Variants in TSPEAR observed in about 807,000 individuals in gnomAD.
TSPEAR encodes thrombospondin type laminin G domain and EAR repeats, also known as thrombospondin-type laminin G domain and EAR repeat-containing protein.
A neutral mutation model predicts 71.6 loss-of-function variants in TSPEAR; 69 were observed. That is an observed-to-expected ratio of 0.96 (90% CI 0.79 to 1.18). The LOEUF is 1.18. Ranked by LOEUF, TSPEAR falls within the 50% of genes most tolerant of loss-of-function variation. The probability of loss-of-function intolerance (pLI) is 0.00; values close to 1 mark genes in which losing one functional copy is unlikely to be tolerated. For missense variants in TSPEAR, 971 were observed against 894.9 expected, an observed-to-expected ratio of 1.09 and a Z score of -1.09; for synonymous variants, 402 against 387.2, an observed-to-expected ratio of 1.04 and a Z score of -0.45.
chr21:44,630,043 G>T (rs990606815), intron 1 of TSPEAR, among the ~76,000 whole-genome samples: 1 of 152,154 alleles, frequency 6.6e-6, no homozygotes, highest in Non-Finnish European at 1.5e-5. Context: ...GGGCTTCAGG[G>T]GCCGTGGTAC....
At chr21:44,508,681 C>G (rs1030889956) in intron 10 of TSPEAR, 5 of 1,210,630 alleles carry the variant, frequency 4.1e-6, no homozygotes, top group Non-Finnish European at 5.3e-6. Context: ...CTCGTACATA[C>G]AGACCCACCC....
intron 2 of TSPEAR, among the ~76,000 whole-genome samples, chr21:44,562,365 A>G (rs1373212703): frequency 6.6e-6 from 1 of 152,204 alleles, no homozygotes; most frequent in Non-Finnish European, 1.5e-5. Context: ...TTCCATCCTC[A>G]TGGATAGGAA....
chr21:44,568,479 G>A (rs1405827984), intron 1 of TSPEAR, among the ~76,000 whole-genome samples: 1 of 152,216 alleles, frequency 6.6e-6, no homozygotes, highest in Non-Finnish European at 1.5e-5. Flanking sequence ...GGAGGCTGGA[G>A]CTGCCATGGA....
At chr21:44,508,910 C>T in intron 10 of TSPEAR, 2 of 1,493,332 alleles carry the variant, frequency 1.3e-6, no homozygotes, top group Non-Finnish European at 9.1e-7. Context: ...CTCCTGCCTC[C>T]ACTGCTCGGA....
chr21:44,503,535 C>A (rs2052101424), intron 11 of TSPEAR, among the ~76,000 whole-genome samples: 1 of 98,076 alleles, frequency 1.0e-5, no homozygotes, highest in Non-Finnish European at 2.0e-5. Flanking sequence ...GGGAAGCCGG[C>A]CTTGGTGAGC....
chr21:44,599,134 T>TTCTCTCCCTCTCTCTCTCTCTCTCTCTC, intron 1 of TSPEAR, among the ~76,000 whole-genome samples: 1 of 92,342 alleles, frequency 1.1e-5, no homozygotes, highest in East Asian at 3.2e-4. Context: ...GGCCCCCATT[T>TTCTCTCCCTCTCTCTCTCTCTCTCTCTC]TCTCTCTCTC....
chr21:44,677,712 G>T (rs1555947152), intron 1 of TSPEAR: 7 of 1,429,464 alleles, frequency 4.9e-6, no homozygotes, highest in South Asian at 2.3e-5. Flanking sequence ...GAGTTGTGAG[G>T]CAGGCTGTTT....
intron 9 of TSPEAR, among the ~76,000 whole-genome samples, chr21:44,514,193 C>T (rs1234734642): frequency 1.3e-5 from 2 of 152,206 alleles, no homozygotes; most frequent in South Asian, 2.1e-4. Context: ...ACCCCCTTGA[C>T]AGATGTGCAG....
At chr21:44,503,596 C>T (rs1258010900) in intron 11 of TSPEAR, among the ~76,000 whole-genome samples, 2 of 133,438 alleles carry the variant, frequency 1.5e-5, no homozygotes, top group Admixed American at 7.4e-5. Context: ...GGTGAGCCCT[C>T]AGGGGGAAGC....
At chr21:44,662,601 A>G (rs1458500798) in intron 1 of TSPEAR, among the ~76,000 whole-genome samples, 1 of 152,232 alleles carries the variant, frequency 6.6e-6, no homozygotes, top group African/African-American at 2.4e-5. Context: ...GGCCTGGACA[A>G]CACTGTCAAT....
rs587726071 is a variant in TSPEAR at position 44,637,434 on chromosome 21, T to C, written c.83-69429A>G. On this transcript the variant is annotated intron_variant, in intron 1 of 11. Transcript: ENST00000323084. ...CACTCCAGCATGGCCGCCTCCACCA[T>C]GTCCATCTGCTCCAGCGCCTGCACT... 4.4e-6 allele frequency: 7 copies of C among 1,608,740 alleles called. No individual in the cohort carries two copies. In the South Asian group the frequency reaches 6.7e-5, roughly 15 times the overall value.
chr21:44,524,918 G>T (rs1348348324), intron 8 of TSPEAR, among the ~76,000 whole-genome samples: 3 of 151,742 alleles, frequency 2.0e-5, no homozygotes, highest in African/African-American at 7.3e-5. Context: ...CAGATAGTCA[G>T]GTAGTTAGTC....
At chr21:44,507,670 C>G (rs781894727) in intron 10 of TSPEAR, among the ~76,000 whole-genome samples, 4 of 152,266 alleles carry the variant, frequency 2.6e-5, no homozygotes, top group Non-Finnish European at 4.4e-5. Flanking sequence ...TCTGCCTCAT[C>G]TGTTTCTAGA....
At chr21:44,702,933 C>A in intron 1 of TSPEAR, 1 of 556,874 alleles carries the variant, frequency 1.8e-6, no homozygotes, top group South Asian at 2.1e-5. Flanking sequence ...ACCTCATACC[C>A]TACAACCACG....
intron 1 of TSPEAR, among the ~76,000 whole-genome samples, chr21:44,703,965 A>T (rs556974696): frequency 6.6e-6 from 1 of 152,296 alleles, no homozygotes; most frequent in East Asian, 1.9e-4. Flanking sequence ...CTGCAATCCC[A>T]GGAGGCCCTG....
At chr21:44,631,914 G>A (rs1298841673) in intron 1 of TSPEAR, among the ~76,000 whole-genome samples, 1 of 152,096 alleles carries the variant, frequency 6.6e-6, no homozygotes, top group Non-Finnish European at 1.5e-5. Context: ...CCAGGTGCCT[G>A]GGGGGAGGAG....
chr21:44,600,437 T>A (rs1555928297), intron 1 of TSPEAR, among the ~76,000 whole-genome samples: 2 of 152,120 alleles, frequency 1.3e-5, no homozygotes, highest in Non-Finnish European at 2.9e-5. Flanking sequence ...AAACTCGCAC[T>A]AATAAGCGTT....
At chr21:44,564,022 C>CA (rs1467071190) in intron 2 of TSPEAR, among the ~76,000 whole-genome samples, 1 of 149,474 alleles carries the variant, frequency 6.7e-6, no homozygotes, top group Non-Finnish European at 1.5e-5. Context: ...CAAAAAATCA[C>CA]AAAAATGTGA....
At chr21:44,691,192 G>A (rs1170642310) in intron 1 of TSPEAR, among the ~76,000 whole-genome samples, 2 of 151,636 alleles carry the variant, frequency 1.3e-5, no homozygotes, top group Non-Finnish European at 2.9e-5. Context: ...TTACAACCTT[G>A]TTGCTTTGAG....
Sources: gnomAD v4.1 joint callset for allele counts (sites outside exome capture counted in the v4.1 genomes callset) on GRCh38, gnomAD v4.1.1 for gene constraint, MANE v1.5 for transcripts, NCBI Gene and HGNC (gene_info 2026-07-23, HGNC 2026-07-21) for gene names.